The following MYPN variants were observed in gnomAD, a reference collection of about 807,000 sequenced individuals.
MYPN encodes the protein sarcomeric protein myopalladin, 145 kDa (MYOP).
A neutral mutation model predicts 129.4 loss-of-function variants in MYPN; 63 were observed. That is an observed-to-expected ratio of 0.49 (90% confidence interval 0.40 to 0.60). The LOEUF (loss-of-function observed/expected upper bound fraction) is 0.60. Among genes scored for constraint, MYPN ranks in the 20% least tolerant of loss-of-function variants. The pLI is 0.00. For synonymous variants in MYPN, 629 were observed against 600.9 expected (o/e 1.05, Z -0.68); for missense variants, 1,596 against 1,635.4 (o/e 0.98, Z 0.42).
At chr10:68,123,284 A>G (rs1418270921) in intron 2 of MYPN, among the ~76,000 whole-genome samples, 1 of 152,066 alleles carries the variant, frequency 6.6e-6, no homozygotes, top group Non-Finnish European at 1.5e-5. Context: ...TGGCTTAGGC[A>G]GAGAGAATTT....
At chr10:68,101,115 C>A (rs2133945133) in intron 1 of MYPN, among the ~76,000 whole-genome samples, 1 of 151,990 alleles carries the variant, frequency 6.6e-6, no homozygotes, top group African/African-American at 2.4e-5. Flanking sequence ...ACTGAGTGAC[C>A]TAAAAAGAAA....
intron 15 of MYPN, among the ~76,000 whole-genome samples, chr10:68,196,873 G>A (rs1018490857): frequency 6.6e-6 from 1 of 151,924 alleles, no homozygotes; most frequent in East Asian, 1.9e-4. Context: ...TCCAGTTTAA[G>A]TTCATAGTCA....
Position 68,089,234 on chromosome 10 carries a change from G to A in MYPN, c.-2+1242G>A, listed in dbSNP as rs192079156. Among the ~76,000 whole-genome samples the A allele has an allele frequency of 3.3e-3, 500 of 152,212 alleles. 1 individual carries two copies. The highest frequency in any genetic ancestry group is 0.011 in the African/African-American group (473 of 41,514). The stretch of plus-strand genomic sequence containing the variant: ...TTTAGTAGAGACAGGGTTTTGCCAC[G>A]TTGGCCAGGCTGGTCTTGAACTCCT... On this transcript the variant is annotated intron_variant, in intron 1 of 6. Transcript: ENST00000685154.
At chr10:68,209,582 CT>C (rs2043871943) in intron 19 of MYPN, among the ~76,000 whole-genome samples, 1 of 150,260 alleles carries the variant, frequency 6.7e-6, no homozygotes, top group Admixed American at 6.6e-5. Context: ...TACACTGCCC[CT>C]AACAGGTCTT....
At position 68,189,144 on chromosome 10, in the gene MYPN, C is replaced by T. The variant is rs372714890; in HGVS notation, c.2925+18C>T. ...TTCCAAAGGTAGGGAAGATGACAAGCCAGTTGGCCACCTCACAGCATGAAG... is the reference window on the plus strand; with the variant it reads ...TTCCAAAGGTAGGGAAGATGACAAGTCAGTTGGCCACCTCACAGCATGAAG... On this transcript the variant is annotated intron_variant, in intron 13 of 19. Transcript: ENST00000358913. The T allele has an allele frequency of 9.0e-5, 142 of 1,583,588 alleles. No individual in the cohort carries two copies. In the African/African-American group the frequency reaches 1.8e-3, roughly 20 times the overall value.
At chr10:68,189,289 T>G (rs541106124) in intron 13 of MYPN, among the ~76,000 whole-genome samples, 163 bp downstream of exon 13, 6 of 152,232 alleles carry the variant, frequency 3.9e-5, no homozygotes, top group African/African-American at 1.4e-4. Context: ...TTTTGATACA[T>G]GTATACAATG....
chr10:68,161,905 G>A, intron 8 of MYPN, 153 bp downstream of exon 8: 2 of 604,370 alleles, frequency 3.3e-6, no homozygotes, highest in Non-Finnish European at 5.7e-6. Context: ...GCTCATGTCT[G>A]TAATTCCAGC....
chr10:68,185,192 G>A (rs1011343600), intron 12 of MYPN, among the ~76,000 whole-genome samples: 1 of 147,588 alleles, frequency 6.8e-6, no homozygotes, highest in African/African-American at 2.5e-5. Flanking sequence ...GAGGGAAGGA[G>A]GGAAGGAAGG....
In MYPN at chr10:68,148,355, T is replaced by C. The variant is rs1402437312; in HGVS notation, c.1133T>C (p.Ile378Thr). The change falls in exon 5 of 20, where the codon ATC becomes ACC. Residue 378 changes from isoleucine to threonine, a missense_variant and splice_region_variant. Ile to Thr is a moderately conservative substitution (Grantham distance 89). Coordinates refer to ENST00000358913, the MANE Select transcript of MYPN (RefSeq NM_032578.4). ...GDPNKEEMNR[I>T]QKPNEVSSPP... ...TCTATATTTTAATAATTTCTCAGAA[T>C]CCAGAAGCCAAATGAGGTGTCATCT... 6.2e-7 allele frequency: 1 copy of C among 1,611,116 alleles called. No homozygotes were observed. Among genetic ancestry groups the C allele is most frequent in the Non-Finnish European group, 8.5e-7 (1 of 1,177,400 alleles).
intron 16 of MYPN, among the ~76,000 whole-genome samples, chr10:68,198,535 G>T (rs940155656): frequency 2.0e-5 from 3 of 152,086 alleles, no homozygotes; most frequent in African/African-American, 7.2e-5. Context: ...TCTATCTGTG[G>T]TTCTTCTTCT....
Position 68,166,447 on chromosome 10 carries a change from A to G in MYPN, c.1754A>G (p.His585Arg). ...AAACTCGAGGGGGTTCTGGTGAACC[A>G]CAATGAGCCCCGGTCCAGCTCCAGG... Reference protein sequence around the residue: ...KPKLEGVLVNHNEPRSSSRIG... With the variant: ...KPKLEGVLVNRNEPRSSSRIG... Residue 585 changes from histidine to arginine, a missense_variant, in exon 10 of 20, where the codon CAC becomes CGC. By Grantham distance (29) the His-to-Arg change is conservative. Transcript: ENST00000358913. 1.9e-6 allele frequency: 3 copies of G among 1,614,164 alleles called. No homozygotes were observed. The highest frequency in any genetic ancestry group is 2.5e-6 in the Non-Finnish European group (3 of 1,180,036).
upstream of MYPN, among the ~76,000 whole-genome samples, chr10:68,102,796 G>C (rs1455732736): frequency 6.6e-6 from 1 of 152,054 alleles, no homozygotes; most frequent in Non-Finnish European, 1.5e-5. Flanking sequence ...CAGGCCAGTG[G>C]ACTTATAATA....
intron 18 of MYPN, among the ~76,000 whole-genome samples, chr10:68,203,086 T>G (rs1340250238): frequency 1.3e-5 from 2 of 152,200 alleles, no homozygotes; most frequent in Non-Finnish European, 2.9e-5. Flanking sequence ...GGCTGACTGC[T>G]GGGACCGGGT....
intron 16 of MYPN, among the ~76,000 whole-genome samples, chr10:68,198,075 C>A (rs1411670253): frequency 2.0e-5 from 3 of 152,138 alleles, no homozygotes. Context: ...CCTCGGGTAA[C>A]TGAAACTTTA....
intron 2 of MYPN, among the ~76,000 whole-genome samples, chr10:68,122,801 C>G (rs997700987): frequency 4.6e-5 from 7 of 152,028 alleles, no homozygotes; most frequent in African/African-American, 1.7e-4. Context: ...ACTCCGGAGG[C>G]TGAGGCAGGA....
chr10:68,210,146 G>A (rs767950152), intron 19 of MYPN, 140 bp from the exon 20 acceptor site: 90 of 880,816 alleles, frequency 1.0e-4, no homozygotes, highest in Non-Finnish European at 1.5e-4. Context: ...TACAAACGAG[G>A]CAATTCAGAC....
intron 1 of MYPN, among the ~76,000 whole-genome samples, chr10:68,088,744 AT>A (rs1215712748): frequency 2.0e-5 from 3 of 152,226 alleles, no homozygotes; most frequent in Non-Finnish European, 2.9e-5. Flanking sequence ...CTTTAAAAAA[AT>A]AAATTAATTG....
intron 1 of MYPN, among the ~76,000 whole-genome samples, chr10:68,097,789 A>C (rs2041963517): frequency 2.1e-5 from 3 of 145,660 alleles, no homozygotes; most frequent in African/African-American, 5.3e-5. Context: ...AAAAAAAAAA[A>C]ATCCGTGTCC....
chr10:68,173,454 GCAATACAAAGAATA>G (rs1182274454), intron 10 of MYPN, among the ~76,000 whole-genome samples: 2 of 152,064 alleles, frequency 1.3e-5, no homozygotes, highest in Non-Finnish European at 2.9e-5. Flanking sequence ...CTCCAAGGTC[GCAATACAAAGAATA>G]CAGTGTGAAG....
Sources: gnomAD v4.1 joint callset for allele counts (sites outside exome capture counted in the v4.1 genomes callset) on GRCh38, gnomAD v4.1.1 for gene constraint, MANE v1.5 for transcripts, NCBI Gene and HGNC (gene_info 2026-07-23, HGNC 2026-07-21) for gene names.